The following NBEAL1 variants were observed in gnomAD, a reference collection of about 807,000 sequenced individuals.
The protein encoded by NBEAL1 is neurobeachin like 1.
In NBEAL1, 273 loss-of-function variants were observed where a neutral mutation model predicts 351.3. The observed-to-expected ratio is 0.78, with a 90% CI of 0.70 to 0.86. The LOEUF is 0.86. Ranked by LOEUF, NBEAL1 falls within the 40% of genes least tolerant of loss-of-function variation. NBEAL1 has a pLI of 0.00. For synonymous variants in NBEAL1, 1,050 were observed against 1,086.4 expected, an observed-to-expected ratio of 0.97 and a Z score of 0.66; for missense variants, 2,961 against 3,201.3, an observed-to-expected ratio of 0.92 and a Z score of 1.81.
chr2:203,172,706 A>G, intron 40 of NBEAL1, 23 bp from the exon 41 acceptor site: 2 of 1,594,970 alleles, frequency 1.3e-6, no homozygotes, highest in Non-Finnish European at 1.7e-6. Flanking sequence ...GAATGTCTAA[A>G]TTGTAAATTA....
At chr2:203,163,023 G>A (rs915679350) in intron 36 of NBEAL1, among the ~76,000 whole-genome samples, 1 of 152,124 alleles carries the variant, frequency 6.6e-6, no homozygotes, top group African/African-American at 2.4e-5. Flanking sequence ...CAGACATGGG[G>A]GTGAGTGCCT....
intron 6 of NBEAL1, among the ~76,000 whole-genome samples, chr2:203,058,246 G>C (rs1011482370): frequency 6.6e-6 from 1 of 151,992 alleles, no homozygotes; most frequent in Non-Finnish European, 1.5e-5. Flanking sequence ...TGCCCAGACT[G>C]GTCTTGAATT....
At chr2:203,136,350 A>G in intron 28 of NBEAL1, 98 bp downstream of exon 28, 19 of 943,772 alleles carry the variant, frequency 2.0e-5, no homozygotes, top group Non-Finnish European at 2.9e-5. Context: ...ACAATTTCAT[A>G]TTGTATTCAT....
At chr2:203,124,771 A>G (rs1179992947) in intron 19 of NBEAL1, among the ~76,000 whole-genome samples, 2 of 152,166 alleles carry the variant, frequency 1.3e-5, no homozygotes, top group Non-Finnish European at 2.9e-5. Context: ...TCCTTGCAAT[A>G]CTTTATGAAG....
At chr2:203,097,028 G>A (rs1206843547) in intron 10 of NBEAL1, among the ~76,000 whole-genome samples, 1 of 152,164 alleles carries the variant, frequency 6.6e-6, no homozygotes, top group African/African-American at 2.4e-5. Flanking sequence ...TGGCTGAGGA[G>A]GCCTCACAAT....
intron 4 of NBEAL1, among the ~76,000 whole-genome samples, chr2:203,051,001 C>T (rs1281223253): frequency 1.3e-5 from 2 of 152,274 alleles, no homozygotes; most frequent in African/African-American, 4.8e-5. Context: ...AAGCCACTTT[C>T]TAAAACATAC....
chr2:203,138,196 G>C lies in NBEAL1; in HGVS notation c.4600G>C (p.Glu1534Gln). ...AAAGATGTTAGAATGGGCAATCTCA[G>C]AAAACAGAGAAGCAAAAACTAATCC... ...LQKMLEWAIS[E>Q]NREAKTNPVT... The change falls in exon 30 of 56, where the codon GAA becomes CAA. Residue 1534 changes from glutamate to glutamine, a missense_variant. By Grantham distance (29) the Glu-to-Gln change is conservative. Transcript: ENST00000683969. The C allele has an allele frequency of 6.2e-7, 1 of 1,614,076 alleles. No homozygotes were observed. Among genetic ancestry groups the C allele is most frequent in the Non-Finnish European group, 8.5e-7 (1 of 1,180,008 alleles).
chr2:203,144,927 C>A, intron 32 of NBEAL1, 22 bp downstream of exon 32: 1 of 1,537,838 alleles, frequency 6.5e-7, no homozygotes, highest in South Asian at 1.2e-5. Context: ...CTTTTTTGAT[C>A]AAGATTTTTC....
intron 38 of NBEAL1, among the ~76,000 whole-genome samples, 175 bp downstream of exon 38, chr2:203,167,535 T>C (rs887558243): frequency 1.3e-5 from 2 of 152,182 alleles, no homozygotes; most frequent in Admixed American, 1.3e-4. Flanking sequence ...TTATATACGT[T>C]TGAGTTTTGG....
In NBEAL1 at chr2:203,218,523, T is replaced by C. The variant is rs1394483186; in HGVS notation, c.*1169T>C. 1 of 152,192 alleles carries C rather than the reference T, an allele frequency of 6.6e-6. No individual in the cohort carries two copies. Among genetic ancestry groups the C allele is most frequent in the African/African-American group, 2.4e-5 (1 of 41,462 alleles). The allele number at this position is 152,192 out of a possible 1,614,324, so 9.4% of individuals were successfully genotyped here. A position where few individuals can be genotyped will look rare whatever the true frequency, so the allele number is the denominator to read the frequency against. On this transcript the variant is annotated 3_prime_UTR_variant, in exon 56 of 56. Transcript: ENST00000683969. The stretch of plus-strand genomic sequence containing the variant: ...GGAGAACTTGTGAATCCCTCTGAAA[T>C]TGTGCAGAGACTTTGTATGTTAAAT...
intron 21 of NBEAL1, 49 bp downstream of exon 21, chr2:203,126,142 A>G (rs1366588893): frequency 2.0e-6 from 3 of 1,476,656 alleles, no homozygotes; most frequent in Non-Finnish European, 2.7e-6. Flanking sequence ...TGTGATTTGC[A>G]GTTGATGTTG....
chr2:203,117,450 G>A (rs1449655047), intron 18 of NBEAL1, among the ~76,000 whole-genome samples: 1 of 55,920 alleles, frequency 1.8e-5, no homozygotes, highest in African/African-American at 4.7e-5. Context: ...GCAACAGAGC[G>A]AGACTCCATT....
chr2:203,201,142 A>G (rs940076130), intron 49 of NBEAL1, among the ~76,000 whole-genome samples: 2 of 152,244 alleles, frequency 1.3e-5, no homozygotes, highest in African/African-American at 4.8e-5. Context: ...TTTATCTCCT[A>G]TGCATCACCT....
chr2:203,044,619 A>G (rs777670606), intron 3 of NBEAL1, among the ~76,000 whole-genome samples: 1 of 152,200 alleles, frequency 6.6e-6, no homozygotes, highest in Non-Finnish European at 1.5e-5. Flanking sequence ...TAGTTTGTTT[A>G]CTTAATACTG....
At chr2:203,067,006 G>T (rs1247760751) in intron 6 of NBEAL1, among the ~76,000 whole-genome samples, 2 of 144,336 alleles carry the variant, frequency 1.4e-5, no homozygotes, top group African/African-American at 2.6e-5. Flanking sequence ...CCTCCCAGAC[G>T]GGGCGGCCGG....
intron 10 of NBEAL1, among the ~76,000 whole-genome samples, chr2:203,092,439 C>G (rs957074417): frequency 7.9e-5 from 12 of 151,866 alleles, no homozygotes; most frequent in African/African-American, 2.9e-4. Flanking sequence ...GTGGTGCGCA[C>G]CTGTAGTCTC....
At position 203,062,393 on chromosome 2, in the gene NBEAL1, A is replaced by G. The variant is rs1014402730; in HGVS notation, c.515+4940A>G. ...GGTTACAGCCACATCCTCAAAAGTC[A>G]CTGAGTCCATGTTCCAGCTTCCAGC... On this transcript the variant is annotated intron_variant, in intron 6 of 55. Transcript: ENST00000683969. This position sits in a 1 kb window ranked among gnomAD's most constrained non-coding sequence, Gnocchi z 4.2. 2 of 451,764 alleles carry G rather than the reference A, an allele frequency of 4.4e-6. No homozygotes were observed. Among genetic ancestry groups the G allele is most frequent in the Non-Finnish European group, 8.8e-6 (2 of 228,098 alleles). The allele number at this position is 451,764 out of a possible 1,614,324, so 28.0% of individuals were successfully genotyped here.
chr2:203,017,006 C>T (rs953209558), intron 2 of NBEAL1, among the ~76,000 whole-genome samples: 1 of 152,086 alleles, frequency 6.6e-6, no homozygotes, highest in Admixed American at 6.6e-5. Flanking sequence ...ACTGAGTAGC[C>T]GAGAAACACA....
chr2:203,112,973 A>G, intron 16 of NBEAL1, 42 bp from the exon 17 acceptor site: 4 of 1,396,338 alleles, frequency 2.9e-6, no homozygotes, highest in Non-Finnish European at 3.8e-6. Flanking sequence ...ATATGAGGAT[A>G]TATGTTAATT....
Sources: gnomAD v4.1 joint callset for allele counts (sites outside exome capture counted in the v4.1 genomes callset) on GRCh38, gnomAD v4.1.1 for gene constraint, Gnocchi (gnomAD v3.1) non-coding constraint, MANE v1.5 for transcripts, NCBI Gene and HGNC (gene_info 2026-07-23, HGNC 2026-07-21) for gene names.